Variants in CADM1 observed in about 807,000 individuals in gnomAD.
CADM1 encodes TSLC-1.
Under a neutral mutation model 53.1 loss-of-function variants are expected in CADM1, and 15 were observed. The observed-to-expected ratio is 0.28, with a 90% CI of 0.19 to 0.44. The LOEUF (loss-of-function observed/expected upper bound fraction) is 0.44. Among genes scored for constraint, CADM1 ranks in the 20% least tolerant of loss-of-function variants. CADM1 has a pLI of 1.00. For synonymous variants in CADM1, 281 were observed against 243.0 expected (o/e 1.16, Z -1.45); for missense variants, 434 against 611.3 (o/e 0.71, Z 3.06).
chr11:115,416,230 A>G (rs919830532), intron 1 of CADM1, among the ~76,000 whole-genome samples: 1 of 152,238 alleles, frequency 6.6e-6, no homozygotes, highest in Non-Finnish European at 1.5e-5. Flanking sequence ...AATCAAAGAC[A>G]TATTTTTGTG....
chr11:115,361,887 G>A (rs958958423), intron 1 of CADM1, among the ~76,000 whole-genome samples: 6 of 124,192 alleles, frequency 4.8e-5, no homozygotes, highest in South Asian at 4.6e-4. Context: ...CACCACACCC[G>A]AGTTTTTGTT....
intron 5 of CADM1, among the ~76,000 whole-genome samples, chr11:115,228,653 C>T (rs770720080): frequency 6.6e-6 from 1 of 152,122 alleles, no homozygotes; most frequent in South Asian, 2.1e-4. Context: ...TGGCAATGAT[C>T]CCAAAGAGTC....
chr11:115,287,140 T>G (rs1009657777), intron 1 of CADM1, among the ~76,000 whole-genome samples: 4 of 152,194 alleles, frequency 2.6e-5, no homozygotes, highest in African/African-American at 9.7e-5. Flanking sequence ...TTGCATTCTC[T>G]CAATTAAGAA....
intron 1 of CADM1, among the ~76,000 whole-genome samples, chr11:115,450,659 T>C (rs1948551231): frequency 1.3e-5 from 2 of 152,240 alleles, no homozygotes; most frequent in African/African-American, 2.4e-5. Context: ...CCAAACAGGA[T>C]TTTAAGAACT....
chr11:115,175,943 G>T lies in CADM1; in HGVS notation c.*531C>A, dbSNP rs1939007726. 1 of 1,021,150 alleles carries T rather than the reference G, an allele frequency of 9.8e-7. No homozygotes were observed. The highest frequency in any genetic ancestry group is 9.5e-5 in the East Asian group (1 of 10,538). The allele number at this position is 1,021,150 out of a possible 1,614,324, so 63.3% of individuals were successfully genotyped here. A position where few individuals can be genotyped will look rare whatever the true frequency, so the allele number is the denominator to read the frequency against. On this transcript the variant is annotated 3_prime_UTR_variant, in exon 12 of 12. Coordinates refer to ENST00000331581, the MANE Select transcript of CADM1 (RefSeq NM_001301043.2). ...CTAAATTCTGAACTATGAAATCTAA[G>T]CTGTGCTGGTTCTCCTTTTATGAAA...
At position 115,288,992 on chromosome 11, in the gene CADM1, C is replaced by T. The variant is rs140597343; in HGVS notation, c.125-48572G>A. Among the ~76,000 whole-genome samples the T allele has an allele frequency of 3.0e-3, 452 of 152,258 alleles. 2 individuals carry two copies. Among genetic ancestry groups the T allele is most frequent in the African/African-American group, 9.7e-3 (402 of 41,544 alleles). Reference sequence around the variant, plus strand: ...ACTACCCCCAGGTTAGGATAAGGAACATGTTGATTTTGCTTAGCTGACTGT... The same window carrying T: ...ACTACCCCCAGGTTAGGATAAGGAATATGTTGATTTTGCTTAGCTGACTGT... On this transcript the variant is annotated intron_variant, in intron 1 of 11. Transcript: ENST00000331581.
chr11:115,340,121 T>G (rs1161703066), intron 1 of CADM1: 2 of 152,178 alleles, frequency 1.3e-5, no homozygotes, highest in Admixed American at 1.3e-4. Context: ...AATCCTGAAC[T>G]CTGGCTGACG....
At chr11:115,493,749 T>G (rs115819249) in intron 1 of CADM1, among the ~76,000 whole-genome samples, 3 of 152,198 alleles carry the variant, frequency 2.0e-5, no homozygotes, top group African/African-American at 7.2e-5. Flanking sequence ...AACTGAACCA[T>G]GAGGAAATGA....
intron 1 of CADM1, among the ~76,000 whole-genome samples, chr11:115,438,426 G>A (rs546058386): frequency 8.5e-5 from 13 of 152,168 alleles, no homozygotes; most frequent in African/African-American, 3.1e-4. Context: ...GAAACTGACA[G>A]GACAAGCATT....
chr11:115,460,232 CCCA>C (rs1352504604), intron 1 of CADM1, among the ~76,000 whole-genome samples: 1 of 152,162 alleles, frequency 6.6e-6, no homozygotes, highest in Admixed American at 6.5e-5. Context: ...ACACCGCACA[CCCA>C]CCCTTTTAAT....
chr11:115,377,932 A>G (rs115629054), intron 1 of CADM1: 232 of 152,316 alleles, frequency 1.5e-3, no homozygotes, highest in African/African-American at 5.3e-3. Context: ...TCAAAAAGAC[A>G]CTGCCAACCT....
Position 115,254,201 on chromosome 11 carries a change from G to A in CADM1, c.125-13781C>T, listed in dbSNP as rs533249530. On this transcript the variant is annotated intron_variant, in intron 1 of 11. Coordinates refer to ENST00000331581, the MANE Select transcript of CADM1 (RefSeq NM_001301043.2). ...ATAATACAGTATTGGCTAAGAGGGC[G>A]AATGTTAATAAATGTTTATTGAATA... Among the ~76,000 whole-genome samples, 70 of 152,210 alleles carry A rather than the reference G, an allele frequency of 4.6e-4. 1 individual carries two copies. The South Asian group carries it at 0.013, about 29-fold the overall frequency.
intron 1 of CADM1, among the ~76,000 whole-genome samples, chr11:115,325,578 A>G (rs1211575718): frequency 1.3e-5 from 2 of 152,176 alleles, no homozygotes; most frequent in African/African-American, 4.8e-5. Context: ...ACTGACTTCT[A>G]CTCGGCACAA....
intron 1 of CADM1, among the ~76,000 whole-genome samples, chr11:115,295,301 C>G (rs1226378661): frequency 6.6e-6 from 1 of 151,428 alleles, no homozygotes; most frequent in Non-Finnish European, 1.5e-5. Context: ...CTTCTGGCCT[C>G]TCTCTAAGTT....
At chr11:115,414,250 T>C (rs938762934) in intron 1 of CADM1, among the ~76,000 whole-genome samples, 5 of 152,288 alleles carry the variant, frequency 3.3e-5, no homozygotes, top group Admixed American at 3.3e-4. Context: ...ACTTCAACTA[T>C]GTAAAGAACA....
At position 115,504,351 on chromosome 11, in the gene CADM1, G is replaced by A. The variant is rs1477406042; in HGVS notation, c.44C>T (p.Ala15Val). ...CCCGGGAGGCGCCGCCGCCGCCGCTGCCGCCGCACACTGGGATCCGCTCGG... is the reference window on the plus strand; with the variant it reads ...CCCGGGAGGCGCCGCCGCCGCCGCTACCGCCGCACACTGGGATCCGCTCGG... ...VLPSGSQCAA[A>V]AAAAAPPGLR... The change falls in exon 1 of 12, where the codon GCA becomes GTA. Residue 15 changes from alanine to valine, a missense_variant. Physicochemically the swap from Ala to Val is moderately conservative, Grantham distance 64. This residue lies in a region of CADM1 where 76 missense variants were observed against 59.8 expected (regional missense o/e 1.27). Transcript: ENST00000331581. 3 of 1,548,878 alleles carry A rather than the reference G, an allele frequency of 1.9e-6. No individual in the cohort carries two copies. Among genetic ancestry groups the A allele is most frequent in the African/African-American group, 1.4e-5 (1 of 73,144 alleles).
intron 1 of CADM1, among the ~76,000 whole-genome samples, chr11:115,391,193 T>C (rs1000585356): frequency 5.9e-5 from 9 of 152,214 alleles, no homozygotes; most frequent in African/African-American, 2.2e-4. Context: ...TGAGTACAAT[T>C]AGACATACAA....
chr11:115,174,153 C>T lies in CADM1; in HGVS notation c.*2321G>A, dbSNP rs1938905569. Reference sequence around the variant, plus strand: ...CGCAACACATGAACCTGAGACATGTCAACATTGTAAGCCATAAAGTTACAT... The same window carrying T: ...CGCAACACATGAACCTGAGACATGTTAACATTGTAAGCCATAAAGTTACAT... On this transcript the variant is annotated 3_prime_UTR_variant, in exon 12 of 12. Coordinates refer to ENST00000331581, the MANE Select transcript of CADM1 (RefSeq NM_001301043.2). 1 of 985,296 alleles carries T rather than the reference C, an allele frequency of 1.0e-6. No individual in the cohort carries two copies. The allele number at this position is 985,296 out of a possible 1,614,324, so 61.0% of individuals were successfully genotyped here.
chr11:115,500,797 C>G (rs1949711183), intron 1 of CADM1, among the ~76,000 whole-genome samples: 1 of 152,212 alleles, frequency 6.6e-6, no homozygotes. Context: ...TTCACAATCT[C>G]TCTGTGGAGA....
Sources: gnomAD v4.1 joint callset for allele counts (sites outside exome capture counted in the v4.1 genomes callset) on GRCh38, gnomAD v4.1.1 for gene constraint, gnomAD v4.1.1 regional missense constraint, MANE v1.5 for transcripts, NCBI Gene and HGNC (gene_info 2026-07-23, HGNC 2026-07-21) for gene names.